The following FOXN3 variants were observed in gnomAD, a reference collection of about 807,000 sequenced individuals.
The protein encoded by FOXN3 is forkhead box N3, also known as forkhead box protein N3.
In FOXN3, 7 loss-of-function variants were observed where a neutral mutation model predicts 38.4. The observed-to-expected ratio is 0.18, with a 90% CI of 0.10 to 0.34. FOXN3 has a LOEUF of 0.34. Among genes scored for constraint, FOXN3 ranks in the 10% least tolerant of loss-of-function variants. The pLI is 1.00. For synonymous variants in FOXN3, 230 were observed against 242.2 expected, an observed-to-expected ratio of 0.95 and a Z score of 0.47; for missense variants, 456 against 613.4, an observed-to-expected ratio of 0.74 and a Z score of 2.71.
chr14:89,569,888 A>G (rs243192), intron 1 of FOXN3, among the ~76,000 whole-genome samples: 31,821 of 152,126 alleles, frequency 0.21, 4,246 homozygotes, highest in East Asian at 0.47. Context: ...ACAAGGGCCT[A>G]AAAGGAAACT....
chr14:89,182,800 G>A (rs957722), intron 4 of FOXN3, among the ~76,000 whole-genome samples: 1 of 152,110 alleles, frequency 6.6e-6, no homozygotes, highest in Non-Finnish European at 1.5e-5. Context: ...TCGAACAGAA[G>A]AGCATTCGGA....
chr14:89,302,577 C>T (rs78274178), intron 3 of FOXN3, among the ~76,000 whole-genome samples: 1 of 152,126 alleles, frequency 6.6e-6, no homozygotes, highest in African/African-American at 2.4e-5. Context: ...ATGGGCTGTG[C>T]TTCTTGGTGC....
intron 1 of FOXN3, among the ~76,000 whole-genome samples, chr14:89,428,496 T>G (rs1193715956): frequency 6.6e-6 from 1 of 152,204 alleles, no homozygotes; most frequent in Non-Finnish European, 1.5e-5. Flanking sequence ...TCTGTGGGTA[T>G]GTTCAACAGC....
intron 5 of FOXN3, among the ~76,000 whole-genome samples, chr14:89,168,082 G>A (rs1467210268): frequency 2.0e-5 from 3 of 151,654 alleles, no homozygotes; most frequent in Non-Finnish European, 4.4e-5. Context: ...TCAAGAACAT[G>A]GGTTCATAAT....
rs375525696 is a variant in FOXN3 at position 89,396,892 on chromosome 14, T to C, written c.543+15042A>G. Among the ~76,000 whole-genome samples, 86 of 151,572 alleles carry C rather than the reference T, an allele frequency of 5.7e-4. No homozygotes were observed. In the East Asian group the frequency reaches 6.6e-3, roughly 12 times the overall value. ...ATGCTGCAGTAGACTTTTTTTTTTTTCCTTATTTGTTAGTGCACAAATCTG... is the reference window on the plus strand; with the variant it reads ...ATGCTGCAGTAGACTTTTTTTTTTTCCCTTATTTGTTAGTGCACAAATCTG... On this transcript the variant is annotated intron_variant, in intron 2 of 5. Coordinates refer to ENST00000557258, the MANE Select transcript of FOXN3 (RefSeq NM_005197.4).
chr14:89,451,592 G>C (rs1892613968), intron 1 of FOXN3, among the ~76,000 whole-genome samples: 1 of 152,160 alleles, frequency 6.6e-6, no homozygotes, highest in Non-Finnish European at 1.5e-5. Context: ...TGGTCAGGAT[G>C]ACAGGGATGC....
At chr14:89,594,381 A>G (rs1180452309) in intron 1 of FOXN3, among the ~76,000 whole-genome samples, 1 of 152,186 alleles carries the variant, frequency 6.6e-6, no homozygotes, top group African/African-American at 2.4e-5. Flanking sequence ...TTGGTACTGT[A>G]AGTAATTTTC....
At chr14:89,307,843 C>A (rs1424482600) in intron 3 of FOXN3, among the ~76,000 whole-genome samples, 1 of 152,204 alleles carries the variant, frequency 6.6e-6, no homozygotes, top group Non-Finnish European at 1.5e-5. Flanking sequence ...TCTGCTAATG[C>A]AAATTTCAAT....
chr14:89,561,626 G>A (rs1394847421), intron 1 of FOXN3, among the ~76,000 whole-genome samples: 1 of 152,146 alleles, frequency 6.6e-6, no homozygotes, highest in African/African-American at 2.4e-5. Context: ...TAAGAAAGAT[G>A]GTCTATAAAC....
chr14:89,388,639 C>G (rs1001835455), intron 2 of FOXN3, among the ~76,000 whole-genome samples: 1 of 151,940 alleles, frequency 6.6e-6, no homozygotes. Context: ...TGTAAATGCA[C>G]CTGGAGCTAA....
intron 1 of FOXN3, among the ~76,000 whole-genome samples, chr14:89,602,820 C>T (rs1373841471): frequency 1.3e-5 from 2 of 152,080 alleles, no homozygotes; most frequent in Admixed American, 1.3e-4. Flanking sequence ...AAGTCCAGCA[C>T]AACATTCACA....
chr14:89,215,022 A>G (rs1884225604), intron 4 of FOXN3, among the ~76,000 whole-genome samples: 1 of 152,244 alleles, frequency 6.6e-6, no homozygotes, highest in Non-Finnish European at 1.5e-5. Context: ...AGGGTAGTAT[A>G]TTCTATGGAA....
chr14:89,162,591 G>T lies in FOXN3; in HGVS notation c.1230C>A (p.Ser410Arg), dbSNP rs750746582. ...QHFAKARKVPSDTLPLKKRRT... is the reference protein window; with the variant it reads ...QHFAKARKVPRDTLPLKKRRT... ...GTCTCTTTTTGAGGGGCAGTGTGTC[G>T]CTGGGGACCTTCCTGGCCTTGGCGA... is the stretch of plus-strand genomic sequence containing the variant. Residue 410 changes from serine (S) to arginine (R), a missense_variant, in exon 6 of 6, where the codon AGC (serine) becomes AGA (arginine). Ser to Arg is a moderately radical substitution (Grantham distance 110). Around this residue, in one of 3 missense-constraint regions of FOXN3, gnomAD observed 386 missense variants for 505.2 expected, o/e 0.76. Transcript: ENST00000557258. The surrounding 1 kb of genome is among the most constrained non-coding windows in gnomAD (Gnocchi z 7.2). 3.3e-5 allele frequency: 53 copies of T among 1,613,802 alleles called. No homozygotes were observed. The highest frequency in any genetic ancestry group is 4.3e-5 in the Non-Finnish European group (51 of 1,180,002).
chr14:89,591,520 A>C (rs188802919), intron 1 of FOXN3, among the ~76,000 whole-genome samples: 5 of 152,362 alleles, frequency 3.3e-5, no homozygotes, highest in African/African-American at 1.2e-4. Flanking sequence ...CTACTCAGGC[A>C]CACAGTATCC....
intron 4 of FOXN3, among the ~76,000 whole-genome samples, chr14:89,269,431 G>C (rs902316571): frequency 6.6e-5 from 10 of 151,582 alleles, no homozygotes; most frequent in African/African-American, 2.4e-4. Context: ...GGGTTAATTT[G>C]ATCGGATCTG....
At chr14:89,206,249 A>G (rs1317254105) in intron 4 of FOXN3, among the ~76,000 whole-genome samples, 1 of 152,230 alleles carries the variant, frequency 6.6e-6, no homozygotes, top group Non-Finnish European at 1.5e-5. Context: ...TGAGGAATAA[A>G]GGAGGCCCAA....
intron 1 of FOXN3, among the ~76,000 whole-genome samples, chr14:89,436,058 C>T (rs1455536618): frequency 6.7e-6 from 1 of 149,634 alleles, no homozygotes; most frequent in Non-Finnish European, 1.5e-5. Flanking sequence ...CCAGGCTGGT[C>T]TCGAACTCCT....
chr14:89,570,167 T>TA (rs1412399916), intron 1 of FOXN3, among the ~76,000 whole-genome samples: 1 of 151,932 alleles, frequency 6.6e-6, no homozygotes, highest in Non-Finnish European at 1.5e-5. Context: ...GCCCGGCTAA[T>TA]TTTTTGTATT....
chr14:89,611,639 TAC>T (rs1417472887), intron 1 of FOXN3, among the ~76,000 whole-genome samples: 1 of 151,894 alleles, frequency 6.6e-6, no homozygotes, highest in African/African-American at 2.4e-5. Flanking sequence ...ACCCCGTCTC[TAC>T]TAAAAATACA....
Sources: gnomAD v4.1 joint callset for allele counts (sites outside exome capture counted in the v4.1 genomes callset) on GRCh38, gnomAD v4.1.1 for gene constraint, gnomAD v4.1.1 regional missense constraint, Gnocchi (gnomAD v3.1) non-coding constraint, MANE v1.5 for transcripts, NCBI Gene and HGNC (gene_info 2026-07-23, HGNC 2026-07-21) for gene names.